The following SMOC2 variants were observed in gnomAD, a reference collection of about 807,000 sequenced individuals.
SMOC2 encodes SPARC-related modular calcium-binding protein 2.
SMOC2 carries 39 observed loss-of-function variants against 61.4 expected under a neutral mutation model. The observed-to-expected ratio is 0.64, with a 90% CI of 0.49 to 0.83. SMOC2 has a LOEUF of 0.83. SMOC2 is among the 40% of genes least tolerant of loss of function. The probability of loss-of-function intolerance (pLI) is 0.00; values close to 1 mark genes in which losing one functional copy is unlikely to be tolerated. For missense variants in SMOC2, 556 were observed against 592.9 expected (o/e 0.94, Z 0.65); for synonymous variants, 247 against 239.9 (o/e 1.03, Z -0.27).
At chr6:168,576,154 C>G (rs1286734532) in intron 7 of SMOC2, among the ~76,000 whole-genome samples, 5 of 152,124 alleles carry the variant, frequency 3.3e-5, no homozygotes, top group Non-Finnish European at 5.9e-5. Flanking sequence ...GTGCACCAGT[C>G]AGCCCTGTGT....
intron 7 of SMOC2, among the ~76,000 whole-genome samples, chr6:168,566,956 C>T (rs544270591): frequency 3.9e-5 from 6 of 152,262 alleles, no homozygotes; most frequent in Admixed American, 6.5e-5. Flanking sequence ...GAGACAGGCC[C>T]GCTATCCTTA....
chr6:168,558,906 CGTGTGTAT>C (rs1354167926), intron 7 of SMOC2, among the ~76,000 whole-genome samples: 1 of 150,506 alleles, frequency 6.6e-6, no homozygotes, highest in Non-Finnish European at 1.5e-5. Flanking sequence ...TGTGTGTGCA[CGTGTGTAT>C]GTGTGCTTGT....
At chr6:168,492,737 G>A (rs1442080721) in intron 1 of SMOC2, among the ~76,000 whole-genome samples, 1 of 152,186 alleles carries the variant, frequency 6.6e-6, no homozygotes, top group Non-Finnish European at 1.5e-5. Context: ...AATGTGGATG[G>A]TGACCAGAGG....
At chr6:168,481,674 A>G (rs938646631) in intron 1 of SMOC2, among the ~76,000 whole-genome samples, 7 of 152,114 alleles carry the variant, frequency 4.6e-5, no homozygotes, top group Admixed American at 2.0e-4. Context: ...CTTTTATCAG[A>G]AATTAATTTA....
chr6:168,474,439 C>T (rs555898482), intron 1 of SMOC2, among the ~76,000 whole-genome samples: 2 of 152,152 alleles, frequency 1.3e-5, no homozygotes. Context: ...ATTTCAGCCT[C>T]CTTTCCAGGC....
In SMOC2 at chr6:168,532,708, C is replaced by T. The variant is rs189702242; in HGVS notation, c.463+4981C>T. ...ATATTCAAAGAATCTTCATATATAG[C>T]TTGGTTGGAGTTACGTGTTTGAAGG... On this transcript the variant is annotated intron_variant, in intron 4 of 12. Coordinates refer to ENST00000356284, the MANE Select transcript of SMOC2 (RefSeq NM_001166412.2). Among the ~76,000 whole-genome samples, 919 of 152,206 alleles carry T rather than the reference C, an allele frequency of 6.0e-3. 12 individuals are homozygous for T. The highest frequency in any genetic ancestry group is 0.021 in the African/African-American group (869 of 41,518).
chr6:168,623,716 G>T (rs12196283), intron 9 of SMOC2, among the ~76,000 whole-genome samples: 1 of 151,948 alleles, frequency 6.6e-6, no homozygotes, highest in Non-Finnish European at 1.5e-5. Flanking sequence ...AAGGTGAGAT[G>T]CTGGGCGGAA....
intron 2 of SMOC2, among the ~76,000 whole-genome samples, chr6:168,516,709 T>A (rs553196872): frequency 6.6e-6 from 1 of 152,230 alleles, no homozygotes; most frequent in Admixed American, 6.5e-5. Context: ...ATGCTGTTAT[T>A]ATTAAGATTA....
chr6:168,633,695 G>A (rs1261687755), intron 9 of SMOC2, among the ~76,000 whole-genome samples: 4 of 152,200 alleles, frequency 2.6e-5, no homozygotes, highest in African/African-American at 9.7e-5. Flanking sequence ...ACAGAGGTCA[G>A]GGTGTGAAAG....
At chr6:168,559,918 C>A (rs369704021) in intron 7 of SMOC2, among the ~76,000 whole-genome samples, 3 of 152,134 alleles carry the variant, frequency 2.0e-5, no homozygotes, top group Non-Finnish European at 4.4e-5. Flanking sequence ...TTGCCAAGCA[C>A]GATGCATTAC....
intron 5 of SMOC2, 59 bp downstream of exon 5, chr6:168,543,731 A>G: frequency 6.7e-7 from 1 of 1,496,854 alleles, no homozygotes; most frequent in Non-Finnish European, 9.2e-7. Flanking sequence ...ATCCCGTGAA[A>G]TAACTTCTCA....
rs1468495073 is a variant in SMOC2 at position 168,599,312 on chromosome 6, CCCACACT to C, written c.824+309_824+315del. Reference sequence around the variant, plus strand: ...CACACACACATACCACACACACACCCCCACACTGTTTCACACACACTCATACCCACAC... The same window carrying C: ...CACACACACATACCACACACACACCCGTTTCACACACACTCATACCCACAC... On this transcript the variant is annotated intron_variant, in intron 8 of 12. Coordinates refer to ENST00000356284, the MANE Select transcript of SMOC2 (RefSeq NM_001166412.2). Among the ~76,000 whole-genome samples the C allele has an allele frequency of 4.5e-3, 649 of 143,596 alleles. 14 individuals carry two copies. Among genetic ancestry groups the C allele is most frequent in the African/African-American group, 0.015 (557 of 37,638 alleles). The allele number at this position is 143,596 out of a possible 152,430, so 94.2% of individuals were successfully genotyped here. A position where few individuals can be genotyped will look rare whatever the true frequency, so the allele number is the denominator to read the frequency against.
At chr6:168,545,982 GATATTTCAA>G in intron 5 of SMOC2, among the ~76,000 whole-genome samples, 1 of 152,166 alleles carries the variant, frequency 6.6e-6, no homozygotes, top group South Asian at 2.1e-4. Context: ...GTTAGACTTG[GATATTTCAA>G]ATAACTGATG....
chr6:168,493,008 A>T (rs192033773), intron 1 of SMOC2, among the ~76,000 whole-genome samples: 34 of 152,280 alleles, frequency 2.2e-4, no homozygotes, highest in Admixed American at 2.0e-3. Flanking sequence ...AATGAAGACT[A>T]AATTGTTGGA....
chr6:168,537,783 G>C (rs1359797109), intron 4 of SMOC2, among the ~76,000 whole-genome samples: 1 of 152,186 alleles, frequency 6.6e-6, no homozygotes, highest in Non-Finnish European at 1.5e-5. Context: ...GTCTCAGGTG[G>C]CTGGAGCCCA....
chr6:168,534,586 A>T (rs1412604683), intron 4 of SMOC2, among the ~76,000 whole-genome samples: 1 of 152,182 alleles, frequency 6.6e-6, no homozygotes, highest in Non-Finnish European at 1.5e-5. Flanking sequence ...CTTTATGTTG[A>T]GTTATTCACA....
chr6:168,637,826 C>G (rs1319099923), intron 9 of SMOC2, among the ~76,000 whole-genome samples: 1 of 152,190 alleles, frequency 6.6e-6, no homozygotes, highest in Admixed American at 6.5e-5. Flanking sequence ...CAGGAGCAGC[C>G]TCTTCCTCCC....
intron 1 of SMOC2, among the ~76,000 whole-genome samples, chr6:168,442,087 A>T (rs1781224323): frequency 6.6e-6 from 1 of 152,206 alleles, no homozygotes; most frequent in South Asian, 2.1e-4. Context: ...AAGTGAGCCG[A>T]GGAAGAAGCA....
At chr6:168,573,602 A>G (rs1329337453) in intron 7 of SMOC2, among the ~76,000 whole-genome samples, 3 of 152,204 alleles carry the variant, frequency 2.0e-5, no homozygotes, top group East Asian at 3.9e-4. Flanking sequence ...GCAGGCAGCG[A>G]GCGCCTGCGA....
Sources: allele counts gnomAD v4.1 joint callset (sites outside exome capture counted in the v4.1 genomes callset), GRCh38; gene constraint gnomAD v4.1.1; transcripts MANE v1.5; gene names NCBI Gene and HGNC (gene_info 2026-07-23, HGNC 2026-07-21).